The following DAB1 variants were observed in gnomAD, a reference collection of about 807,000 sequenced individuals.
DAB1 encodes DAB adaptor protein 1.
In DAB1, 15 loss-of-function variants were observed where a neutral mutation model predicts 64.6. The observed-to-expected ratio is 0.23, with a 90% CI of 0.16 to 0.36. DAB1 has a LOEUF of 0.36. DAB1 is among the 10% of genes least tolerant of loss of function. The probability of loss-of-function intolerance (pLI) is 1.00; values close to 1 mark genes in which losing one functional copy is unlikely to be tolerated. For missense variants in DAB1, 596 were observed against 706.7 expected (o/e 0.84, Z 1.78); for synonymous variants, 235 against 251.9 (o/e 0.93, Z 0.64).
At chr1:58,277,513 A>G (rs1400511685) in intron 4 of DAB1, among the ~76,000 whole-genome samples, 2 of 152,158 alleles carry the variant, frequency 1.3e-5, no homozygotes, top group Non-Finnish European at 2.9e-5. Context: ...TCTGATGCTC[A>G]GTTCCCAACA....
At chr1:57,989,250 T>A (rs781660422) in intron 5 of DAB1, among the ~76,000 whole-genome samples, 1 of 152,068 alleles carries the variant, frequency 6.6e-6, no homozygotes, top group African/African-American at 2.4e-5. Flanking sequence ...CTGATCCCCC[T>A]CCTCTCGCTA....
chr1:57,970,511 G>T (rs975928315), intron 5 of DAB1, among the ~76,000 whole-genome samples: 1 of 151,994 alleles, frequency 6.6e-6, no homozygotes, highest in Admixed American at 6.6e-5. Flanking sequence ...ATGAGAAAAG[G>T]ATATCTACGG....
intron 4 of DAB1, among the ~76,000 whole-genome samples, chr1:58,224,300 G>T (rs562111466): frequency 1.3e-5 from 2 of 152,292 alleles, no homozygotes; most frequent in African/African-American, 4.8e-5. Context: ...AATGTAGCAG[G>T]TATTTAATAA....
chr1:58,169,244 A>G (rs1161140221), intron 4 of DAB1, among the ~76,000 whole-genome samples: 1 of 152,228 alleles, frequency 6.6e-6, no homozygotes, highest in Non-Finnish European at 1.5e-5. Flanking sequence ...TATTCTGATC[A>G]GCAGGGTCCA....
chr1:58,404,787 TGAAGA>T (rs1039740325), intron 3 of DAB1, among the ~76,000 whole-genome samples: 3 of 152,196 alleles, frequency 2.0e-5, no homozygotes, highest in African/African-American at 7.2e-5. Context: ...GCTAGGAAGA[TGAAGA>T]GAAGAAACAC....
At chr1:58,263,685 A>G (rs143183735) in intron 4 of DAB1, among the ~76,000 whole-genome samples, 40 of 152,344 alleles carry the variant, frequency 2.6e-4, no homozygotes, top group African/African-American at 9.4e-4. Context: ...GTCAATAAGT[A>G]TATCTTAAAA....
intron 3 of DAB1, among the ~76,000 whole-genome samples, chr1:58,476,141 T>C (rs1243374955): frequency 6.6e-6 from 1 of 152,224 alleles, no homozygotes; most frequent in African/African-American, 2.4e-5. Context: ...TAGGAACCTG[T>C]CAGCTATGTT....
chr1:57,403,301 G>T (rs1268083469), intron 1 of DAB1, among the ~76,000 whole-genome samples: 1 of 152,182 alleles, frequency 6.6e-6, no homozygotes, highest in African/African-American at 2.4e-5. Flanking sequence ...ATTTGAGCCT[G>T]GATCGCTGGT....
intron 2 of DAB1, among the ~76,000 whole-genome samples, chr1:57,260,161 C>T (rs533063928): frequency 6.6e-6 from 1 of 152,264 alleles, no homozygotes; most frequent in South Asian, 2.1e-4. Flanking sequence ...TCACCAAGGG[C>T]AACAATACAC....
chr1:58,025,132 C>T (rs1459884639), intron 5 of DAB1, among the ~76,000 whole-genome samples: 1 of 152,038 alleles, frequency 6.6e-6, no homozygotes, highest in Non-Finnish European at 1.5e-5. Flanking sequence ...CACACACACA[C>T]ACCCTACTGT....
chr1:57,523,692 C>T (rs2101390734), intron 7 of DAB1, among the ~76,000 whole-genome samples: 1 of 152,206 alleles, frequency 6.6e-6, no homozygotes, highest in African/African-American at 2.4e-5. Flanking sequence ...GAGGCCAAGG[C>T]AGGTGGATTA....
intron 2 of DAB1, among the ~76,000 whole-genome samples, chr1:57,273,632 C>A (rs1221915055): frequency 7.4e-6 from 1 of 134,790 alleles, no homozygotes; most frequent in Non-Finnish European, 1.6e-5. Flanking sequence ...CCCTCCCTCC[C>A]TCCCTCCCTC....
At chr1:58,252,189 G>A (rs1660818081) in intron 4 of DAB1, among the ~76,000 whole-genome samples, 1 of 152,196 alleles carries the variant, frequency 6.6e-6, no homozygotes, top group South Asian at 2.1e-4. Flanking sequence ...AGGAGCCTCT[G>A]GAGTGCTCCT....
At chr1:57,227,867 A>T (rs964203376) in intron 2 of DAB1, among the ~76,000 whole-genome samples, 1 of 152,166 alleles carries the variant, frequency 6.6e-6, no homozygotes, top group Non-Finnish European at 1.5e-5. Context: ...AATAGGCAGG[A>T]TCTTCCTGAT....
At chr1:58,358,974 A>ACACACACACACACACC (rs1644138469) in intron 3 of DAB1, among the ~76,000 whole-genome samples, 1 of 147,578 alleles carries the variant, frequency 6.8e-6, no homozygotes, top group African/African-American at 2.5e-5. Flanking sequence ...ACACACACAC[A>ACACACACACACACACC]CACTCAAAGG....
At chr1:58,009,013 T>A (rs1165248319) in intron 5 of DAB1, among the ~76,000 whole-genome samples, 1 of 152,196 alleles carries the variant, frequency 6.6e-6, no homozygotes, top group Admixed American at 6.6e-5. Flanking sequence ...GTGGAAACAT[T>A]TAAATAATGT....
chr1:57,707,717 T>TGTACAGACAGGACTTATTTG (rs1475607695), intron 6 of DAB1, among the ~76,000 whole-genome samples: 1 of 152,256 alleles, frequency 6.6e-6, no homozygotes, highest in Non-Finnish European at 1.5e-5. Flanking sequence ...TATTCCAGTC[T>TGTACAGACAGGACTTATTTG]GTACAGACAG....
chr1:57,926,280 G>C (rs55844479), intron 5 of DAB1, among the ~76,000 whole-genome samples: 56,830 of 150,850 alleles, frequency 0.38, 11,964 homozygotes, highest in Admixed American at 0.49. Context: ...GTTCCACTGA[G>C]AAAGGCCAGA....
At chr1:57,422,781 C>T (rs1209553580) in intron 1 of DAB1, among the ~76,000 whole-genome samples, 1 of 152,186 alleles carries the variant, frequency 6.6e-6, no homozygotes, top group East Asian at 1.9e-4. Flanking sequence ...CTGGGAGCAG[C>T]CAAGTGGCGT....
Sources: allele counts gnomAD v4.1 joint callset (sites outside exome capture counted in the v4.1 genomes callset), GRCh38; gene constraint gnomAD v4.1.1; transcripts MANE v1.5; gene names NCBI Gene and HGNC (gene_info 2026-07-23, HGNC 2026-07-21).